Variants in DPH6 observed in about 807,000 individuals in gnomAD.
The protein encoded by DPH6 is diphthine--ammonia ligase.
Under a neutral mutation model 38.2 loss-of-function variants are expected in DPH6, and 33 were observed. The observed-to-expected ratio is 0.86, with a 90% confidence interval of 0.65 to 1.15. The LOEUF is 1.15. DPH6 is among the 50% of genes most tolerant of loss of function. The pLI is 0.00. For synonymous variants in DPH6, 108 were observed against 103.0 expected (o/e 1.05, Z -0.30); for missense variants, 325 against 320.0 (o/e 1.02, Z -0.12).
chr15:35,291,030 A>G (rs2051976750), intron 3 of DPH6, among the ~76,000 whole-genome samples: 1 of 152,136 alleles, frequency 6.6e-6, no homozygotes, highest in Non-Finnish European at 1.5e-5. Context: ...CTAACCTAAC[A>G]TTCAAAGAAG....
chr15:35,387,707 T>A lies in DPH6; in HGVS notation c.568-5791A>T, dbSNP rs1412970670. On this transcript the variant is annotated intron_variant, in intron 6 of 8. Transcript: ENST00000256538. Reference sequence around the variant, plus strand: ...ACATTGATTTTGTATCCTGAGACTTTGCTGAAGTTGCTTATCAGCTTAAGG... The same window carrying A: ...ACATTGATTTTGTATCCTGAGACTTAGCTGAAGTTGCTTATCAGCTTAAGG... Among the ~76,000 whole-genome samples the A allele has an allele frequency of 2.0e-5, 3 of 152,302 alleles. No homozygotes were observed. In the East Asian group the frequency reaches 5.8e-4, roughly 29 times the overall value.
At chr15:35,249,950 T>C (rs1345425791) in intron 3 of DPH6, among the ~76,000 whole-genome samples, 1 of 151,412 alleles carries the variant, frequency 6.6e-6, no homozygotes, top group Non-Finnish European at 1.5e-5. Context: ...GATCACGAGG[T>C]CAGGAGATCG....
chr15:35,386,069 T>C (rs2052950709), intron 6 of DPH6, among the ~76,000 whole-genome samples: 1 of 152,122 alleles, frequency 6.6e-6, no homozygotes, highest in Middle Eastern at 3.2e-3. Context: ...TTTGTTCAAT[T>C]CCCACCTATG....
chr15:35,368,837 C>T (rs190520728), downstream of DPH6, among the ~76,000 whole-genome samples: 1 of 151,416 alleles, frequency 6.6e-6, no homozygotes, highest in East Asian at 1.9e-4. Context: ...GTGCAGCAGC[C>T]AGTCAGAAAT....
rs140402699 is a variant in DPH6 at position 35,245,677 on chromosome 15, A to G, written n.201-25095T>C. 3.7e-3 allele frequency among the ~76,000 whole-genome samples: 561 copies of G among 152,358 alleles called. 4 individuals are homozygous for G. Among genetic ancestry groups the G allele is most frequent in the African/African-American group, 0.013 (532 of 41,588 alleles). ...AAGAAGACTTATTTCCCTCTGACGT[A>G]TCACTTCAATGAACTGCAGAACAGC... is the stretch of plus-strand genomic sequence containing the variant. On this transcript the variant is annotated intron_variant and non_coding_transcript_variant, in intron 3 of 3. Transcript: ENST00000560386.
chr15:35,456,709 A>G (rs958002445), intron 3 of DPH6, among the ~76,000 whole-genome samples: 1 of 151,898 alleles, frequency 6.6e-6, no homozygotes, highest in Non-Finnish European at 1.5e-5. Flanking sequence ...GCTGGTCTCG[A>G]ACTCCTGACC....
At chr15:35,496,321 G>A (rs901163535) in intron 3 of DPH6, among the ~76,000 whole-genome samples, 5 of 151,536 alleles carry the variant, frequency 3.3e-5, no homozygotes, top group African/African-American at 7.3e-5. Flanking sequence ...TTGGGAGGCC[G>A]AGGCGGGTGA....
chr15:35,481,577 T>C (rs1436238316), intron 3 of DPH6, among the ~76,000 whole-genome samples: 1 of 152,168 alleles, frequency 6.6e-6, no homozygotes, highest in Admixed American at 6.5e-5. Context: ...TTACTGTAAA[T>C]TGTTTTAATG....
chr15:35,381,609 T>G (rs910663145), intron 7 of DPH6, among the ~76,000 whole-genome samples: 4 of 152,208 alleles, frequency 2.6e-5, no homozygotes, highest in African/African-American at 9.6e-5. Context: ...GTGCAATGTC[T>G]AAAAAGTTTA....
At chr15:35,284,801 ATTTTTTTTTTTTTTTT>A (rs71123127) in intron 3 of DPH6, among the ~76,000 whole-genome samples, 2 of 79,254 alleles carry the variant, frequency 2.5e-5, no homozygotes, top group East Asian at 5.2e-4. Context: ...AAGTCTCCAA[ATTTTTTTTTTTTTTTT>A]TTTTTTTTTT....
At chr15:35,189,183 T>A in the DPH6 span, among the ~76,000 whole-genome samples, 6,197 of 152,292 alleles carry the variant, frequency 0.041, 134 homozygotes, top group Middle Eastern at 0.051. Context: ...ATGCTACAAG[T>A]GAGTTTTTCT....
At chr15:35,159,243 T>G in the DPH6 span, among the ~76,000 whole-genome samples, 1 of 152,224 alleles carries the variant, frequency 6.6e-6, no homozygotes, top group East Asian at 1.9e-4. Flanking sequence ...TTTTCTTTCT[T>G]TACAACGGGA....
downstream of DPH6, among the ~76,000 whole-genome samples, chr15:35,327,559 A>G (rs1025483776): frequency 2.6e-5 from 4 of 151,898 alleles, no homozygotes; most frequent in Non-Finnish European, 4.4e-5. Flanking sequence ...GTTAGCCAGG[A>G]TGGTCTCTAT....
At position 35,490,800 on chromosome 15, in the gene DPH6, G is replaced by A. The variant is rs77799647; in HGVS notation, c.313-35980C>T. ...CTTGCTTTGGGAATTGTCTTAGTCCGTTTTCTGCTGCTATAAGAGAATATC... is the reference window on the plus strand; with the variant it reads ...CTTGCTTTGGGAATTGTCTTAGTCCATTTTCTGCTGCTATAAGAGAATATC... On this transcript the variant is annotated intron_variant, in intron 3 of 8. Coordinates refer to ENST00000256538, the MANE Select transcript of DPH6 (RefSeq NM_080650.4). Among the ~76,000 whole-genome samples, 482 of 152,142 alleles carry A rather than the reference G, an allele frequency of 3.2e-3. 3 individuals carry two copies. The East Asian group carries it at 0.035, about 11-fold the overall frequency.
intron 4 of DPH6, among the ~76,000 whole-genome samples, chr15:35,451,240 A>T (rs898207175): frequency 6.6e-6 from 1 of 152,180 alleles, no homozygotes; most frequent in South Asian, 2.1e-4. Context: ...ACTAACTTTG[A>T]ATTTTTTTTT....
At chr15:35,502,704 A>T (rs901126373) in intron 3 of DPH6, among the ~76,000 whole-genome samples, 2 of 151,786 alleles carry the variant, frequency 1.3e-5, no homozygotes, top group African/African-American at 4.8e-5. Flanking sequence ...TTCTTGAAGC[A>T]ACTTATATGC....
At chr15:35,313,861 A>G (rs533441998) in intron 3 of DPH6, among the ~76,000 whole-genome samples, 39 of 152,310 alleles carry the variant, frequency 2.6e-4, no homozygotes, top group Non-Finnish European at 5.1e-4. Flanking sequence ...ACATTGGAGA[A>G]TGACTCCAGG....
chr15:35,313,065 T>G (rs2052157896), intron 3 of DPH6, among the ~76,000 whole-genome samples: 1 of 151,690 alleles, frequency 6.6e-6, no homozygotes, highest in Non-Finnish European at 1.5e-5. Context: ...CCATCTCTAC[T>G]AAAAATACAA....
chr15:35,475,251 C>T (rs577818387), intron 3 of DPH6, among the ~76,000 whole-genome samples: 1 of 152,072 alleles, frequency 6.6e-6, no homozygotes, highest in East Asian at 1.9e-4. Flanking sequence ...GCATGTATAT[C>T]CAAGAGATTG....
Sources: allele counts gnomAD v4.1 joint callset (sites outside exome capture counted in the v4.1 genomes callset), GRCh38; gene constraint gnomAD v4.1.1; transcripts MANE v1.5; gene names NCBI Gene and HGNC (gene_info 2026-07-23, HGNC 2026-07-21).